DARS2: variants seen among roughly 807,000 people sequenced by gnomAD.
DARS2 encodes aspartate--tRNA ligase, mitochondrial.
A neutral mutation model predicts 83.0 loss-of-function variants in DARS2; 63 were observed. That is an observed-to-expected ratio of 0.76 (90% confidence interval 0.62 to 0.94). DARS2 has a LOEUF of 0.94. Among genes scored for constraint, DARS2 ranks in the 40% least tolerant of loss-of-function variants. The pLI, the probability that DARS2 is intolerant of heterozygous loss-of-function variation, is 0.00. For missense variants in DARS2, 675 were observed against 774.4 expected (o/e 0.87, Z 1.52); for synonymous variants, 250 against 269.3 (o/e 0.93, Z 0.70).
chr1:173,836,782 C>A (rs1653020540), intron 7 of DARS2, among the ~76,000 whole-genome samples, 158 bp from the exon 8 acceptor site: 1 of 152,126 alleles, frequency 6.6e-6, no homozygotes, highest in African/African-American at 2.4e-5. Context: ...TTTAGGGACT[C>A]AAAGATAAGC....
chr1:173,855,997 G>A (rs1653847176), intron 15 of DARS2, among the ~76,000 whole-genome samples: 1 of 151,946 alleles, frequency 6.6e-6, no homozygotes, highest in African/African-American at 2.4e-5. Flanking sequence ...CTAAATAGTG[G>A]TTCTCAGCCC....
intron 2 of DARS2, 114 bp from the exon 3 acceptor site, chr1:173,828,219 A>G (rs1652657700): frequency 9.5e-7 from 1 of 1,049,676 alleles, no homozygotes; most frequent in African/African-American, 1.7e-5. Context: ...TTATCATAAA[A>G]AAGAAACATG....
chr1:173,833,594 A>G (rs1652874002), intron 6 of DARS2, 95 bp downstream of exon 6: 2 of 1,476,730 alleles, frequency 1.4e-6, no homozygotes, highest in Admixed American at 1.7e-5. Context: ...CATGAGGTCA[A>G]GATGTTGCCA....
At chr1:173,839,670 C>T (rs1189418427) in intron 10 of DARS2, 124 bp downstream of exon 10, 6 of 878,698 alleles carry the variant, frequency 6.8e-6, no homozygotes, top group African/African-American at 3.3e-5. Context: ...TTGTTACCTT[C>T]GTTGTTACAG....
chr1:173,836,831 A>T, intron 7 of DARS2, 109 bp from the exon 8 acceptor site: 2 of 887,114 alleles, frequency 2.3e-6, no homozygotes, highest in Non-Finnish European at 3.7e-6. Flanking sequence ...TTTGTTCTTT[A>T]GTCATTCATT....
intron 12 of DARS2, among the ~76,000 whole-genome samples, chr1:173,847,768 G>A (rs1389474845): frequency 2.0e-5 from 3 of 147,508 alleles, no homozygotes; most frequent in Non-Finnish European, 4.4e-5. Context: ...TTAACTTCCT[G>A]TCATGAGAGA....
intron 13 of DARS2, 69 bp downstream of exon 13, chr1:173,850,548 A>C: frequency 6.7e-7 from 1 of 1,494,946 alleles, no homozygotes; most frequent in Non-Finnish European, 9.2e-7. Flanking sequence ...CTATGTATAT[A>C]GTATACGTTT....
chr1:173,826,222 TC>T (rs1286730161), intron 1 of DARS2, among the ~76,000 whole-genome samples: 3 of 140,810 alleles, frequency 2.1e-5, no homozygotes, highest in Non-Finnish European at 4.5e-5. Flanking sequence ...AGACTCCATC[TC>T]AAAAAAAAAA....
Position 173,858,189 on chromosome 1 carries a change from TGAG to T in DARS2, c.*488_*490del, listed in dbSNP as rs1282447334. The T allele has an allele frequency of 2.3e-5, 4 of 174,030 alleles. No homozygotes were observed. The East Asian group carries it at 6.0e-4, about 26-fold the overall frequency. 10.8% of individuals were successfully genotyped at this position (174,030 alleles called of 1,614,324 possible). On this transcript the variant is annotated 3_prime_UTR_variant, in exon 17 of 17. Transcript: ENST00000649689. ...CATTTCAACCATCAACATAATATAG[TGAG>T]GAGTAGCATAATATTTTTTAATAAT...
At chr1:173,826,842 C>G in intron 2 of DARS2, 56 bp downstream of exon 2, 3 of 1,275,650 alleles carry the variant, frequency 2.4e-6, no homozygotes, top group Non-Finnish European at 3.4e-6. Context: ...CAGGGCAATT[C>G]CAAACCTTTA....
chr1:173,841,156 C>T (rs1295938839), intron 11 of DARS2, among the ~76,000 whole-genome samples, 183 bp downstream of exon 11: 4 of 152,142 alleles, frequency 2.6e-5, no homozygotes, highest in Non-Finnish European at 5.9e-5. Context: ...GTGTGGATCA[C>T]TTGAGGTCAG....
chr1:173,834,523 T>C lies in DARS2; in HGVS notation c.663+4T>C. 1 of 1,599,056 alleles carries C rather than the reference T, an allele frequency of 6.3e-7. No individual in the cohort carries two copies. The highest frequency in any genetic ancestry group is 1.1e-5 in the South Asian group (1 of 90,776). On this transcript the variant is annotated splice_donor_region_variant and intron_variant, in intron 7 of 16. Transcript: ENST00000649689. ...ATTGTTTAAGAGGACCCCAGGGGTA[T>C]GTATATTCCTTCAATCAGTCTATTA...
Position 173,834,100 on chromosome 1 carries a change from T to C in DARS2, c.617-373T>C, listed in dbSNP as rs1009566744. Among the ~76,000 whole-genome samples, 5 of 152,196 alleles carry C rather than the reference T, an allele frequency of 3.3e-5. No individual in the cohort carries two copies. The South Asian group carries it at 6.2e-4, about 19-fold the overall frequency. On this transcript the variant is annotated intron_variant, in intron 6 of 16. Coordinates refer to ENST00000649689, the MANE Select transcript of DARS2 (RefSeq NM_018122.5). The stretch of plus-strand genomic sequence containing the variant: ...CTTTATCATGTGCATACATCACTTA[T>C]TGGGAGCTCAAAAATGTCATGTGAA...
intron 16 of DARS2, 102 bp from the exon 17 acceptor site, chr1:173,857,416 A>C: frequency 1.7e-6 from 2 of 1,207,994 alleles, no homozygotes; most frequent in Non-Finnish European, 2.4e-6. Flanking sequence ...AGTTTGTTAA[A>C]GATTCTTATT....
intron 13 of DARS2, among the ~76,000 whole-genome samples, chr1:173,851,099 G>A (rs1653646204): frequency 6.6e-6 from 1 of 151,740 alleles, no homozygotes; most frequent in Non-Finnish European, 1.5e-5. Flanking sequence ...TTAGCTGGGT[G>A]TGGTGGCGGG....
Position 173,845,550 on chromosome 1 carries a change from T to C in DARS2, c.1191+259T>C, listed in dbSNP as rs1036069764. Among the ~76,000 whole-genome samples, 3 of 152,176 alleles carry C rather than the reference T, an allele frequency of 2.0e-5. No individual in the cohort carries two copies. In the East Asian group the frequency reaches 5.8e-4, roughly 29 times the overall value. ...AGGCTCAAGCAATGCTCCTGCCTCT[T>C]TCTCTCAAGTAGCTAGGACTACAGG... On this transcript the variant is annotated intron_variant, in intron 12 of 16. Coordinates refer to ENST00000649689, the MANE Select transcript of DARS2 (RefSeq NM_018122.5).
At chr1:173,854,865 AAAG>A (rs1337437598) in intron 15 of DARS2, among the ~76,000 whole-genome samples, 1 of 152,196 alleles carries the variant, frequency 6.6e-6, no homozygotes, top group African/African-American at 2.4e-5. Flanking sequence ...TTTAAAAGTA[AAAG>A]AAGAGTCTGT....
At chr1:173,834,619 C>G in intron 7 of DARS2, 100 bp downstream of exon 7, 1 of 849,678 alleles carries the variant, frequency 1.2e-6, no homozygotes, top group South Asian at 1.6e-5. Context: ...TTATTTACTG[C>G]CTCAGGATGG....
chr1:173,843,221 G>C (rs775976884), intron 11 of DARS2, among the ~76,000 whole-genome samples: 2 of 152,064 alleles, frequency 1.3e-5, no homozygotes, highest in Non-Finnish European at 2.9e-5. Context: ...ATGGTTTATT[G>C]CCATACAAAG....
Sources: allele counts gnomAD v4.1 joint callset (sites outside exome capture counted in the v4.1 genomes callset), GRCh38; gene constraint gnomAD v4.1.1; transcripts MANE v1.5; gene names NCBI Gene and HGNC (gene_info 2026-07-23, HGNC 2026-07-21).